Variants in EML4 observed in about 807,000 individuals in gnomAD.
EML4 encodes echinoderm microtubule-associated protein-like 4.
Under a neutral mutation model 129.0 loss-of-function variants are expected in EML4, and 72 were observed. The ratio of observed to expected loss-of-function variants is 0.56; its 90% CI spans 0.46 to 0.68. The LOEUF is 0.68. EML4 is among the 30% of genes least tolerant of loss of function. EML4 has a pLI of 0.00. For missense variants in EML4, 1,363 were observed against 1,190.6 expected (o/e 1.14, Z -2.13); for synonymous variants, 532 against 405.0 (o/e 1.31, Z -3.77).
At chr2:42,245,469 AC>A in intron 1 of EML4, 35 bp from the exon 2 acceptor site, 1 of 1,510,048 alleles carries the variant, frequency 6.6e-7, no homozygotes, top group South Asian at 1.2e-5. Context: ...CAAGCAGTTT[AC>A]TTAAAAATAT....
rs374582174 is a variant in EML4, at chr2:42,329,880, T to C, written c.2619T>C (p.Asn873=). 2 of 1,613,866 alleles carry C rather than the reference T, an allele frequency of 1.2e-6. No individual in the cohort carries two copies. The highest frequency in any genetic ancestry group is 2.7e-5 in the African/African-American group (2 of 74,902). Residue 873 remains asparagine, a synonymous_variant, in exon 23 of 23, where the codon AAT becomes AAC. Coordinates refer to ENST00000318522, the MANE Select transcript of EML4 (RefSeq NM_019063.5). ...TGGAAAAGTTATCTTTGCCTCAGAA[T>C]GAGACTGTAGCGGATACTACTCTAA... ...KLVEKLSLPQ[N]ETVADTTLTK...
At chr2:42,308,195 A>AT (rs1436314781) in intron 17 of EML4, among the ~76,000 whole-genome samples, 2 of 152,250 alleles carry the variant, frequency 1.3e-5, no homozygotes, top group Non-Finnish European at 2.9e-5. Context: ...TTAAGTGGAC[A>AT]TAGTACTTCC....
chr2:42,248,532 A>G (rs1201536049), intron 2 of EML4, among the ~76,000 whole-genome samples: 2 of 152,082 alleles, frequency 1.3e-5, no homozygotes, highest in Non-Finnish European at 2.9e-5. Flanking sequence ...GTCCTTTTCT[A>G]ATTATCCTTA....
At chr2:42,184,467 T>A (rs1671129776) in intron 1 of EML4, among the ~76,000 whole-genome samples, 1 of 148,606 alleles carries the variant, frequency 6.7e-6, no homozygotes, top group Admixed American at 6.9e-5. Flanking sequence ...ATCTCAAGTT[T>A]CTATGAGATA....
At chr2:42,324,756 T>G (rs116911178) in intron 19 of EML4, among the ~76,000 whole-genome samples, 1 of 152,262 alleles carries the variant, frequency 6.6e-6, no homozygotes, top group African/African-American at 2.4e-5. Flanking sequence ...TGAAATAGTT[T>G]ATTGGAAATG....
chr2:42,169,900 C>T (rs561857434), intron 1 of EML4: 41 of 396,140 alleles, frequency 1.0e-4, no homozygotes, highest in African/African-American at 7.5e-4. Flanking sequence ...AAAGTGGGAA[C>T]CCCTTCCTTC....
At chr2:42,192,142 A>G (rs1177488239) in intron 1 of EML4, among the ~76,000 whole-genome samples, 4 of 146,664 alleles carry the variant, frequency 2.7e-5, no homozygotes, top group East Asian at 2.0e-4. Context: ...AAAAATCCCT[A>G]GTTTTGAATG....
Position 42,303,302 on chromosome 2 carries a change from C to G in EML4, c.1768-13C>G, listed in dbSNP as rs1175870943. 3 of 1,613,944 alleles carry G rather than the reference C, an allele frequency of 1.9e-6. No individual in the cohort carries two copies. The African/African-American group carries it at 4.0e-5, about 22-fold the overall frequency. ...CTTTGGTTCTTATAACAATGAGTGT[C>G]TTTCATTTTCAGGGTCATACAGATG... On this transcript the variant is annotated splice_polypyrimidine_tract_variant and intron_variant, in intron 15 of 22. Transcript: ENST00000318522.
rs895391791 is a variant in EML4 at position 42,264,106 on chromosome 2, T to G, written c.642-600T>G. Among the ~76,000 whole-genome samples the G allele has an allele frequency of 8.2e-5, 5 of 60,924 alleles. No homozygotes were observed. In the South Asian group the frequency reaches 1.9e-3, roughly 23 times the overall value. 40.0% of individuals were successfully genotyped at this position (60,924 alleles called of 152,430 possible). A position where few individuals can be genotyped will look rare whatever the true frequency, so the allele number is the denominator to read the frequency against. ...GCTCCCAACTCAAACAATACGTGTT[T>G]TTTTTTTTTTTTTTTTTTTTTTTGA... On this transcript the variant is annotated intron_variant, in intron 5 of 22. Coordinates refer to ENST00000318522, the MANE Select transcript of EML4 (RefSeq NM_019063.5).
intron 6 of EML4, among the ~76,000 whole-genome samples, chr2:42,269,748 C>G (rs1049716711): frequency 2.0e-5 from 3 of 152,140 alleles, no homozygotes; most frequent in African/African-American, 7.2e-5. Context: ...CTTTCTTGCT[C>G]TATTAAGGAA....
intron 1 of EML4, among the ~76,000 whole-genome samples, chr2:42,200,999 A>G (rs1395229733): frequency 1.3e-5 from 2 of 152,140 alleles, no homozygotes; most frequent in Non-Finnish European, 2.9e-5. Flanking sequence ...TGCATCCTCT[A>G]ATTGTTGTCT....
At chr2:42,269,442 C>A (rs778448556) in intron 6 of EML4, among the ~76,000 whole-genome samples, 1 of 152,160 alleles carries the variant, frequency 6.6e-6, no homozygotes, top group Non-Finnish European at 1.5e-5. Context: ...CAGACCCTAT[C>A]CTAGGCATTC....
At chr2:42,279,772 C>T (rs1666901634) in intron 6 of EML4, among the ~76,000 whole-genome samples, 2 of 131,970 alleles carry the variant, frequency 1.5e-5, no homozygotes, top group African/African-American at 3.3e-5. Flanking sequence ...CCGCGCCCGG[C>T]TGTCTTTTTT....
Position 42,222,318 on chromosome 2 carries a change from A to C in EML4, c.26-23187A>C, listed in dbSNP as rs1052889254. Among the ~76,000 whole-genome samples the C allele has an allele frequency of 3.3e-5, 5 of 152,132 alleles. No individual in the cohort carries two copies. The East Asian group carries it at 7.7e-4, about 23-fold the overall frequency. On this transcript the variant is annotated intron_variant, in intron 1 of 22. Transcript: ENST00000318522. ...TCGGGTTGACAAACTTTAGCACTTT[A>C]TGGCAAAATTCACTGTTTTGTATCC...
At chr2:42,274,040 C>T (rs1362853914) in intron 6 of EML4, among the ~76,000 whole-genome samples, 2 of 152,172 alleles carry the variant, frequency 1.3e-5, no homozygotes, top group Non-Finnish European at 2.9e-5. Context: ...TCACTTTCTA[C>T]TATAAAATTA....
intron 1 of EML4, among the ~76,000 whole-genome samples, chr2:42,226,240 C>A (rs993230845): frequency 1.8e-4 from 27 of 152,044 alleles, no homozygotes; most frequent in African/African-American, 6.5e-4. Context: ...TCATGTAATT[C>A]TTAGCCATGA....
rs948772366 is a variant in EML4, at chr2:42,172,552, A to G, written c.25+2916A>G. Among the ~76,000 whole-genome samples the G allele has an allele frequency of 2.6e-5, 4 of 152,338 alleles. No homozygotes were observed. In the South Asian group the frequency reaches 8.3e-4, roughly 32 times the overall value. Reference sequence around the variant, plus strand: ...CTCCGCAGCTGATGAATTTCAGGCAACTTGGCTGGCAGGTGCTTGTACTCT... The same window carrying G: ...CTCCGCAGCTGATGAATTTCAGGCAGCTTGGCTGGCAGGTGCTTGTACTCT... On this transcript the variant is annotated intron_variant, in intron 1 of 22. Transcript: ENST00000318522.
chr2:42,242,860 C>T (rs72970063), intron 1 of EML4, among the ~76,000 whole-genome samples: 1 of 151,948 alleles, frequency 6.6e-6, no homozygotes, highest in African/African-American at 2.4e-5. Flanking sequence ...GAATTAAACC[C>T]ATCTTTGACT....
chr2:42,302,290 C>T (rs1029940710), intron 14 of EML4, among the ~76,000 whole-genome samples: 1 of 151,804 alleles, frequency 6.6e-6, no homozygotes, highest in African/African-American at 2.4e-5. Context: ...TATAGTAATC[C>T]AGTCAGGGTA....
Sources: allele counts gnomAD v4.1 joint callset (sites outside exome capture counted in the v4.1 genomes callset), GRCh38; gene constraint gnomAD v4.1.1; transcripts MANE v1.5; gene names NCBI Gene and HGNC (gene_info 2026-07-23, HGNC 2026-07-21).